Variants in SPTBN4 observed in about 807,000 individuals in gnomAD.
SPTBN4 encodes spectrin beta, non-erythrocytic 4, also known as spectrin beta chain, non-erythrocytic 4.
In SPTBN4, 96 loss-of-function variants were observed where a neutral mutation model predicts 277.8. The observed-to-expected ratio is 0.35, with a 90% confidence interval of 0.29 to 0.41. The LOEUF (loss-of-function observed/expected upper bound fraction) is 0.41, where lower values mean the gene tolerates loss of function less well. Among genes scored for constraint, SPTBN4 ranks in the 10% least tolerant of loss-of-function variants. SPTBN4 has a pLI of 1.00. For synonymous variants in SPTBN4, 1,481 were observed against 1,580.3 expected (o/e 0.94, Z 1.49); for missense variants, 3,006 against 3,595.7 (o/e 0.84, Z 4.19).
rs749232268 is a variant in SPTBN4 at position 40,568,169 on chromosome 19, T to C, written c.6843T>C (p.Leu2281=). 9.5e-6 allele frequency: 15 copies of C among 1,585,994 alleles called. No homozygotes were observed. In the Admixed American group the frequency reaches 2.5e-4, roughly 27 times the overall value. The change falls in exon 31 of 36, where the codon CTT becomes CTC. Residue 2281 remains leucine, a synonymous_variant. Coordinates refer to ENST00000598249, the MANE Select transcript of SPTBN4 (RefSeq NM_020971.3). ...ESAEHEAAHS[L]TLGRYEQMER... Reference sequence around the variant, plus strand: ...CGGAGCACGAGGCGGCACACAGCCTTACCCTGGGCCGCTATGAGCAGATGG... The same window carrying C: ...CGGAGCACGAGGCGGCACACAGCCTCACCCTGGGCCGCTATGAGCAGATGG...
At chr19:40,524,463 T>A (rs1250017431) in intron 17 of SPTBN4, 3 of 386,616 alleles carry the variant, frequency 7.8e-6, no homozygotes, top group Admixed American at 2.8e-5. Context: ...ACTGTGATCA[T>A]ATCACTGCAG....
chr19:40,524,473 G>T, intron 17 of SPTBN4: 1 of 410,958 alleles, frequency 2.4e-6, no homozygotes, highest in Non-Finnish European at 4.9e-6. Flanking sequence ...TATCACTGCA[G>T]TCCAGCCTGG....
intron 20 of SPTBN4, among the ~76,000 whole-genome samples, chr19:40,542,700 C>CA (rs2080815454): frequency 6.6e-6 from 1 of 151,822 alleles, no homozygotes; most frequent in South Asian, 2.1e-4. Flanking sequence ...TCCAGCTCAG[C>CA]ATGGCCTAGG....
At chr19:40,508,725 G>T (rs1394214864) in intron 13 of SPTBN4, among the ~76,000 whole-genome samples, 1 of 152,038 alleles carries the variant, frequency 6.6e-6, no homozygotes, top group Non-Finnish European at 1.5e-5. Context: ...GTGGCTTATT[G>T]TAGGATTTGG....
rs2081193055 is a variant in SPTBN4, at chr19:40,575,470, C to A, written c.7596C>A (p.Ile2532=). ...VASSVAEHAE[I]ARWGQTLPTT... ...CCTCGGTGGCGGAACACGCAGAGATCGCCCGCTGGGGCCAGACACTACCCA... is the reference window on the plus strand; with the variant it reads ...CCTCGGTGGCGGAACACGCAGAGATAGCCCGCTGGGGCCAGACACTACCCA... Residue 2532 remains isoleucine, a synonymous_variant, in exon 36 of 36, where the codon ATC becomes ATA. Transcript: ENST00000598249. 4 of 1,613,090 alleles carry A rather than the reference C, an allele frequency of 2.5e-6. No homozygotes were observed. The highest frequency in any genetic ancestry group is 3.4e-6 in the Non-Finnish European group (4 of 1,179,846).
In SPTBN4 at chr19:40,566,230, G is replaced by A. The variant is rs148534541; in HGVS notation, c.6207G>A (p.Pro2069=). 2.1e-5 allele frequency: 33 copies of A among 1,556,928 alleles called. No individual in the cohort carries two copies. The highest frequency in any genetic ancestry group is 2.7e-5 in the Non-Finnish European group (31 of 1,150,040). The change falls in exon 30 of 36, where the codon CCG becomes CCA. Residue 2069 remains proline (P), a synonymous_variant. Transcript: ENST00000598249. ...ATGCCTGGCTGACAGCCCAGGAGCC[G>A]CTCCTGCAGAGCCGGGAGCTGGGCA... The part of the protein sequence containing the change: ...VADAWLTAQE[P]LLQSRELGSS...
intron 11 of SPTBN4, 36 bp from the exon 12 acceptor site, chr19:40,503,794 A>T: frequency 1.9e-6 from 3 of 1,549,864 alleles, no homozygotes; most frequent in Non-Finnish European, 2.6e-6. Flanking sequence ...TGGACTGCTG[A>T]GGCAGCATGG....
At chr19:40,548,035 G>A (rs1568368533) in intron 20 of SPTBN4, among the ~76,000 whole-genome samples, 1 of 152,108 alleles carries the variant, frequency 6.6e-6, no homozygotes, top group Non-Finnish European at 1.5e-5. Flanking sequence ...TTAGCCATTG[G>A]CCCATGACCA....
Position 40,568,033 on chromosome 19 carries a change from C to T in SPTBN4, c.6707C>T (p.Ser2236Leu), listed in dbSNP as rs1324678490. 6 of 1,549,370 alleles carry T rather than the reference C, an allele frequency of 3.9e-6. No homozygotes were observed. The African/African-American group carries it at 6.9e-5, about 18-fold the overall frequency. Residue 2236 changes from serine to leucine, a missense_variant, in exon 31 of 36, where the codon TCA (serine) becomes TTA (leucine). Around this residue, in one of 5 missense-constraint regions of SPTBN4, gnomAD observed 630 missense variants for 677.6 expected, o/e 0.93. Transcript: ENST00000598249. ...QVRPRPERQE[S>L]ADRAEELPRR... Reference sequence around the variant, plus strand: ...CGGCCACGACCGGAGCGCCAGGAGTCAGCTGATCGCGCGGAGGAGCTGCCC... The same window carrying T: ...CGGCCACGACCGGAGCGCCAGGAGTTAGCTGATCGCGCGGAGGAGCTGCCC...
chr19:40,556,412 T>C (rs2080979667), intron 25 of SPTBN4, 124 bp downstream of exon 25: 2 of 843,152 alleles, frequency 2.4e-6, no homozygotes, highest in East Asian at 5.4e-5. Flanking sequence ...GTGAGACAAA[T>C]GAGTTAATAT....
At chr19:40,553,920 G>A (rs1329757337) in intron 22 of SPTBN4, among the ~76,000 whole-genome samples, 2 of 152,168 alleles carry the variant, frequency 1.3e-5, no homozygotes, top group South Asian at 2.1e-4. Flanking sequence ...GTTCTTGGGC[G>A]CCGTACTTCG....
intron 2 of SPTBN4, among the ~76,000 whole-genome samples, chr19:40,485,172 C>G (rs2080057841): frequency 6.6e-6 from 1 of 151,656 alleles, no homozygotes; most frequent in Admixed American, 6.6e-5. Flanking sequence ...ATTTTGGAGG[C>G]AGAGTCTCGC....
In SPTBN4 at chr19:40,501,935, G is replaced by T; in HGVS notation, c.799G>T (p.Ala267Ser). ...CTTGCTTCCAGATGTGAACATGGAGGCTCCAGATGAGAAGTCCATCATCAC... is the reference window on the plus strand; with the variant it reads ...CTTGCTTCCAGATGTGAACATGGAGTCTCCAGATGAGAAGTCCATCATCAC... ...LLDPEDVNME[A>S]PDEKSIITYV... Residue 267 changes from alanine (A) to serine (S), a missense_variant, in exon 8 of 36, where the codon GCT becomes TCT. Physicochemically the swap from Ala to Ser is moderately conservative, Grantham distance 99 (BLOSUM62 1). Coordinates refer to ENST00000598249, the MANE Select transcript of SPTBN4 (RefSeq NM_020971.3). 6.2e-7 allele frequency: 1 copy of T among 1,614,150 alleles called. No homozygotes were observed. The highest frequency in any genetic ancestry group is 8.5e-7 in the Non-Finnish European group (1 of 1,180,002).
intron 12 of SPTBN4, among the ~76,000 whole-genome samples, 177 bp from the exon 13 acceptor site, chr19:40,506,059 A>G (rs952611359): frequency 2.0e-5 from 3 of 152,096 alleles, no homozygotes; most frequent in African/African-American, 7.2e-5. Flanking sequence ...TGATGAGGAA[A>G]CCGAGGTCCA....
At chr19:40,549,692 T>G (rs2080896627) in intron 21 of SPTBN4, among the ~76,000 whole-genome samples, 1 of 152,240 alleles carries the variant, frequency 6.6e-6, no homozygotes, top group Non-Finnish European at 1.5e-5. Context: ...CATTCACTCC[T>G]CTGTTCCTCA....
At position 40,502,209 on chromosome 19, in the gene SPTBN4, C is replaced by T. The variant is rs751434791; in HGVS notation, c.979C>T (p.Arg327Cys). The part of the protein sequence containing the change: ...LAAELLAWIH[R>C]TVGLISNQKF... The stretch of plus-strand genomic sequence containing the variant: ...GGCTGAGCTGCTGGCCTGGATCCAC[C>T]GCACCGTGGGCCTCATCAGCAATCA... The change falls in exon 9 of 36, where the codon CGC (arginine) becomes TGC (cysteine). Residue 327 changes from arginine to cysteine, a missense_variant. Arg to Cys is a radical substitution (Grantham distance 180, BLOSUM62 -3). Coordinates refer to ENST00000598249, the MANE Select transcript of SPTBN4 (RefSeq NM_020971.3). This position sits in a 1 kb window ranked among gnomAD's most constrained non-coding sequence, Gnocchi z 4.9. The T allele has an allele frequency of 1.7e-5, 28 of 1,613,914 alleles. 1 individual carries two copies. Among genetic ancestry groups the T allele is most frequent in the South Asian group, 8.8e-5 (8 of 91,080 alleles).
At chr19:40,555,679 C>T (rs957338152) in intron 24 of SPTBN4, among the ~76,000 whole-genome samples, 2 of 151,072 alleles carry the variant, frequency 1.3e-5, no homozygotes, top group African/African-American at 4.9e-5. Flanking sequence ...AATCTCAACA[C>T]TGGGAGGCTG....
At chr19:40,557,782 G>T (rs1339804777) in intron 26 of SPTBN4, among the ~76,000 whole-genome samples, 1 of 152,076 alleles carries the variant, frequency 6.6e-6, no homozygotes, top group East Asian at 1.9e-4. Context: ...GCCAGGTCTG[G>T]TGGCGGGCAC....
chr19:40,524,410 G>A (rs1047061708), intron 17 of SPTBN4: 4 of 269,498 alleles, frequency 1.5e-5, no homozygotes, highest in South Asian at 1.0e-4. Flanking sequence ...TTGAGGCTGA[G>A]ATGGGAGGAC....
Sources: allele counts gnomAD v4.1 joint callset (sites outside exome capture counted in the v4.1 genomes callset), GRCh38; gene constraint gnomAD v4.1.1; regional missense constraint gnomAD v4.1.1; non-coding constraint Gnocchi (gnomAD v3.1); transcripts MANE v1.5; gene names NCBI Gene and HGNC (gene_info 2026-07-23, HGNC 2026-07-21).